Variants in ARHGEF28 observed in about 807,000 individuals in gnomAD.
ARHGEF28 encodes the protein Rho guanine nucleotide exchange factor 28, also known as 190 kDa guanine nucleotide exchange factor.
Under a neutral mutation model 206.6 loss-of-function variants are expected in ARHGEF28, and 152 were observed. That is an observed-to-expected ratio of 0.74 (90% CI 0.64 to 0.84). The LOEUF (loss-of-function observed/expected upper bound fraction) is 0.84. Among genes scored for constraint, ARHGEF28 ranks in the 40% least tolerant of loss-of-function variants. The pLI, the probability that ARHGEF28 is intolerant of heterozygous loss-of-function variation, is 0.00. For synonymous variants in ARHGEF28, 763 were observed against 776.4 expected (o/e 0.98, Z 0.29); for missense variants, 2,028 against 2,073.2 (o/e 0.98, Z 0.42).
chr5:73,685,873 G>A (rs556077617), intron 2 of ARHGEF28, among the ~76,000 whole-genome samples: 9 of 151,816 alleles, frequency 5.9e-5, no homozygotes, highest in Non-Finnish European at 1.0e-4. Context: ...CGAATGCCTC[G>A]GCCTCCCAAA....
rs565233915 is a variant in ARHGEF28, at chr5:73,716,158, C to G, written c.33+31274C>G. Among the ~76,000 whole-genome samples the G allele has an allele frequency of 9.9e-5, 15 of 152,160 alleles. No individual in the cohort carries two copies. The East Asian group carries it at 2.9e-3, about 29-fold the overall frequency. On this transcript the variant is annotated intron_variant, in intron 2 of 35. Transcript: ENST00000513042. ...TTTTTTTATGACAAGCTGTAATGCA[C>G]CGGCACCTTTATTTCCTAAATTAAT... is the stretch of plus-strand genomic sequence containing the variant.
chr5:73,686,588 G>A (rs1422039202), intron 2 of ARHGEF28, among the ~76,000 whole-genome samples: 4 of 149,102 alleles, frequency 2.7e-5, no homozygotes, highest in Non-Finnish European at 5.9e-5. Context: ...GTGCGGTCTC[G>A]GCTCACTGCA....
intron 16 of ARHGEF28, among the ~76,000 whole-genome samples, chr5:73,860,513 A>AG (rs1181049011): frequency 3.3e-4 from 51 of 152,256 alleles, no homozygotes; most frequent in African/African-American, 1.2e-3. Flanking sequence ...TGGCATCACA[A>AG]GCTTCAACCC....
chr5:73,886,536 G>A (rs1761311020), intron 25 of ARHGEF28, among the ~76,000 whole-genome samples: 1 of 152,194 alleles, frequency 6.6e-6, no homozygotes, highest in Non-Finnish European at 1.5e-5. Context: ...CTTTGTTACT[G>A]ACTAATAGAA....
chr5:73,848,480 G>A (rs924978520), intron 12 of ARHGEF28, among the ~76,000 whole-genome samples: 3 of 152,054 alleles, frequency 2.0e-5, no homozygotes, highest in Non-Finnish European at 4.4e-5. Context: ...CCTAAATGTT[G>A]CAGCTAACAT....
At chr5:73,906,631 C>T (rs962071634) in intron 33 of ARHGEF28, among the ~76,000 whole-genome samples, 8 of 152,220 alleles carry the variant, frequency 5.3e-5, no homozygotes, top group African/African-American at 1.7e-4. Flanking sequence ...ACCATAATCA[C>T]TTACTTGTCT....
rs1579995358 is a variant in ARHGEF28 at position 73,857,644 on chromosome 5, C to T, written c.1791-12C>T. 1 of 1,558,572 alleles carries T rather than the reference C, an allele frequency of 6.4e-7. No individual in the cohort carries two copies. The highest frequency in any genetic ancestry group is 8.7e-7 in the Non-Finnish European group (1 of 1,150,564). ...GTCATATGAGCCATGATAACAGATT[C>T]TGTTTTTGTAGAATTCAGGAAGAAG... On this transcript the variant is annotated splice_polypyrimidine_tract_variant and intron_variant, in intron 14 of 35. Transcript: ENST00000513042.
intron 2 of ARHGEF28, among the ~76,000 whole-genome samples, chr5:73,707,195 A>G (rs2112300023): frequency 6.6e-6 from 1 of 152,312 alleles, no homozygotes; most frequent in South Asian, 2.1e-4. Context: ...GGACTTTATA[A>G]TCAGTGTCCC....
chr5:73,668,317 T>C (rs111359036), intron 1 of ARHGEF28, among the ~76,000 whole-genome samples: 2,271 of 152,334 alleles, frequency 0.015, 32 homozygotes, highest in Non-Finnish European at 0.024. Flanking sequence ...AGAAAATAAA[T>C]GTATTTGGCT....
At chr5:73,859,293 G>A (rs1759240052) in intron 16 of ARHGEF28, among the ~76,000 whole-genome samples, 1 of 152,196 alleles carries the variant, frequency 6.6e-6, no homozygotes, top group Non-Finnish European at 1.5e-5. Context: ...AAAGTAGTGA[G>A]GCGCAGGCAG....
rs368537124 is a variant in ARHGEF28, at chr5:73,881,184, C to A, written c.2815-1288C>A. Among the ~76,000 whole-genome samples the A allele has an allele frequency of 7.2e-5, 11 of 152,226 alleles. No homozygotes were observed. The South Asian group carries it at 2.1e-3, about 29-fold the overall frequency. On this transcript the variant is annotated intron_variant, in intron 22 of 35. Coordinates refer to ENST00000513042, the MANE Select transcript of ARHGEF28 (RefSeq NM_001177693.2). ...TTGTTTCACTGATCTATGGATCTATCTTTCCATAGTCTTAGTAACTGTAGC... is the reference window on the plus strand; with the variant it reads ...TTGTTTCACTGATCTATGGATCTATATTTCCATAGTCTTAGTAACTGTAGC...
At chr5:73,825,825 C>T (rs943860452) in intron 9 of ARHGEF28, among the ~76,000 whole-genome samples, 1 of 152,064 alleles carries the variant, frequency 6.6e-6, no homozygotes, top group Non-Finnish European at 1.5e-5. Flanking sequence ...AAGAGTTCAG[C>T]TTTGGACCTG....
intron 4 of ARHGEF28, among the ~76,000 whole-genome samples, chr5:73,773,123 G>T (rs2112445855): frequency 6.6e-6 from 1 of 152,270 alleles, no homozygotes; most frequent in African/African-American, 2.4e-5. Context: ...CAGATACTGT[G>T]CTAGGTATTA....
At chr5:73,844,979 C>T (rs1304350262) in intron 11 of ARHGEF28, among the ~76,000 whole-genome samples, 1 of 149,888 alleles carries the variant, frequency 6.7e-6, no homozygotes, top group Non-Finnish European at 1.5e-5. Flanking sequence ...AGCATTACTA[C>T]CTGGTTCTAA....
intron 9 of ARHGEF28, among the ~76,000 whole-genome samples, chr5:73,829,390 C>CT (rs979253526): frequency 6.6e-6 from 1 of 151,728 alleles, no homozygotes; most frequent in Non-Finnish European, 1.5e-5. Flanking sequence ...TTCCCTTCTT[C>CT]TTTTTTTTGA....
chr5:73,672,762 G>T (rs951184359), intron 1 of ARHGEF28, among the ~76,000 whole-genome samples: 2 of 152,198 alleles, frequency 1.3e-5, no homozygotes, highest in African/African-American at 4.8e-5. Flanking sequence ...CTGATAGATT[G>T]AGAACAAGCT....
chr5:73,685,572 G>C (rs1747411002), intron 2 of ARHGEF28, among the ~76,000 whole-genome samples: 1 of 151,882 alleles, frequency 6.6e-6, no homozygotes, highest in South Asian at 2.1e-4. Context: ...GGAGACTGGA[G>C]TTTAGAGCAA....
intron 1 of ARHGEF28, among the ~76,000 whole-genome samples, chr5:73,642,003 G>A (rs577547893): frequency 6.6e-6 from 1 of 152,212 alleles, no homozygotes; most frequent in Non-Finnish European, 1.5e-5. Context: ...AACCTGCTGC[G>A]GGGTTTGTAG....
Position 73,834,542 on chromosome 5 carries a change from C to CTGTG in ARHGEF28, c.1146+2112_1146+2115dup, listed in dbSNP as rs34258155. Among the ~76,000 whole-genome samples, 63 of 146,316 alleles carry CTGTG rather than the reference C, an allele frequency of 4.3e-4. 1 individual carries two copies. Among genetic ancestry groups the CTGTG allele is most frequent in the Middle Eastern group, 6.9e-3 (2 of 288 alleles). On this transcript the variant is annotated intron_variant, in intron 10 of 35. Transcript: ENST00000513042. ...TCTTTTCTAGGGCTGAATAATATTC[C>CTGTG]TGTGTGTGTGTGTGTGTGTGTGTGT...
Sources: gnomAD v4.1 joint callset for allele counts (sites outside exome capture counted in the v4.1 genomes callset) on GRCh38, gnomAD v4.1.1 for gene constraint, MANE v1.5 for transcripts, NCBI Gene and HGNC (gene_info 2026-07-23, HGNC 2026-07-21) for gene names.